Variants in CADM2 observed in about 807,000 individuals in gnomAD.
CADM2 encodes cell adhesion molecule 2.
A neutral mutation model predicts 49.8 loss-of-function variants in CADM2; 12 were observed. The observed-to-expected ratio is 0.24, with a 90% confidence interval of 0.15 to 0.39. CADM2 has a LOEUF of 0.39. Ranked by LOEUF, CADM2 falls within the 10% of genes least tolerant of loss-of-function variation. The pLI, the probability that CADM2 is intolerant of heterozygous loss-of-function variation, is 1.00. For missense variants in CADM2, 378 were observed against 492.3 expected, an observed-to-expected ratio of 0.77 and a Z score of 2.20; for synonymous variants, 214 against 175.4, an observed-to-expected ratio of 1.22 and a Z score of -1.74.
chr3:85,088,267 G>A (rs1226385448), intron 1 of CADM2, among the ~76,000 whole-genome samples: 1 of 151,886 alleles, frequency 6.6e-6, no homozygotes. Context: ...AACCAGCTGG[G>A]GCACATGTAT....
At chr3:85,999,350 C>T (rs1729857676) in intron 8 of CADM2, among the ~76,000 whole-genome samples, 1 of 151,504 alleles carries the variant, frequency 6.6e-6, no homozygotes, top group African/African-American at 2.4e-5. Context: ...ACTAAAACTA[C>T]CCAAAATTTT....
At chr3:85,725,064 C>A in intron 1 of CADM2, among the ~76,000 whole-genome samples, 1 of 151,786 alleles carries the variant, frequency 6.6e-6, no homozygotes, top group East Asian at 1.9e-4. Flanking sequence ...ACCACTTTGT[C>A]TATGTCCATT....
At chr3:85,835,354 T>A (rs1402647482) in intron 3 of CADM2, among the ~76,000 whole-genome samples, 1 of 150,956 alleles carries the variant, frequency 6.6e-6, no homozygotes, top group Non-Finnish European at 1.5e-5. Context: ...CTTATCCTGT[T>A]AATCACTGTT....
At chr3:85,342,243 C>G (rs2029933476) in intron 1 of CADM2, among the ~76,000 whole-genome samples, 1 of 151,844 alleles carries the variant, frequency 6.6e-6, no homozygotes. Flanking sequence ...ATTTATGCAG[C>G]CAACAGACAT....
chr3:85,484,284 C>G (rs1194666378), intron 1 of CADM2, among the ~76,000 whole-genome samples: 1 of 151,868 alleles, frequency 6.6e-6, no homozygotes, highest in East Asian at 1.9e-4. Context: ...GGGTTTTGTG[C>G]TGCTTATGCT....
intron 1 of CADM2, among the ~76,000 whole-genome samples, chr3:85,705,308 T>A (rs1434229459): frequency 6.6e-6 from 1 of 151,824 alleles, no homozygotes; most frequent in East Asian, 1.9e-4. Flanking sequence ...TTTATGTACA[T>A]TGATTCATTA....
chr3:86,053,678 T>A (rs553748150), intron 8 of CADM2, among the ~76,000 whole-genome samples: 8 of 152,184 alleles, frequency 5.3e-5, no homozygotes, highest in African/African-American at 1.9e-4. Context: ...GCTGGTCTAA[T>A]TCAGCTTGGG....
At chr3:85,310,935 C>G (rs575156492) in intron 1 of CADM2, among the ~76,000 whole-genome samples, 1 of 152,094 alleles carries the variant, frequency 6.6e-6, no homozygotes, top group Non-Finnish European at 1.5e-5. Flanking sequence ...TGTGGTGAGT[C>G]TATGGGAAAA....
At chr3:85,623,417 T>C (rs1394294381) in intron 1 of CADM2, among the ~76,000 whole-genome samples, 1 of 152,134 alleles carries the variant, frequency 6.6e-6, no homozygotes, top group Non-Finnish European at 1.5e-5. Flanking sequence ...TAATAAAAGG[T>C]GTCATTTTGA....
At chr3:85,093,496 A>C (rs955621918) in intron 1 of CADM2, among the ~76,000 whole-genome samples, 5 of 152,082 alleles carry the variant, frequency 3.3e-5, no homozygotes, top group Non-Finnish European at 5.9e-5. Flanking sequence ...CAAAAAGAAA[A>C]AAAAAAAAGA....
At chr3:85,928,708 T>A (rs1285351060) in intron 6 of CADM2, among the ~76,000 whole-genome samples, 1 of 152,176 alleles carries the variant, frequency 6.6e-6, no homozygotes, top group Non-Finnish European at 1.5e-5. Context: ...TACTGAAAAA[T>A]TATTTGTTAA....
intron 8 of CADM2, among the ~76,000 whole-genome samples, chr3:86,010,411 A>G (rs567105179): frequency 9.2e-5 from 14 of 151,838 alleles, no homozygotes; most frequent in Non-Finnish European, 1.9e-4. Flanking sequence ...AGTTATGCAC[A>G]CTATTTTGTC....
At chr3:85,895,403 A>C (rs957242550) in intron 5 of CADM2, among the ~76,000 whole-genome samples, 1 of 152,230 alleles carries the variant, frequency 6.6e-6, no homozygotes, top group African/African-American at 2.4e-5. Flanking sequence ...GAACAGGTGT[A>C]TTTACCCAAT....
intron 2 of CADM2, among the ~76,000 whole-genome samples, chr3:85,734,920 G>A (rs756414118): frequency 6.6e-6 from 1 of 151,152 alleles, no homozygotes; most frequent in African/African-American, 2.4e-5. Context: ...TAGTAAAAGA[G>A]CATTTCTTAT....
intron 1 of CADM2, among the ~76,000 whole-genome samples, chr3:85,640,193 A>G (rs12489307): frequency 0.16 from 24,601 of 152,078 alleles, 2,341 homozygotes; most frequent in South Asian, 0.27. Flanking sequence ...TTGCAGTCAT[A>G]TGCTTATTTC....
chr3:85,620,007 G>A (rs536408548), intron 1 of CADM2, among the ~76,000 whole-genome samples: 2 of 152,276 alleles, frequency 1.3e-5, no homozygotes, highest in East Asian at 3.9e-4. Context: ...TTTCATGAAA[G>A]TGATAGTTAT....
intron 1 of CADM2, among the ~76,000 whole-genome samples, chr3:85,296,657 A>G (rs890771562): frequency 1.3e-5 from 2 of 152,080 alleles, no homozygotes; most frequent in East Asian, 3.9e-4. Context: ...ACAGAATAAA[A>G]TTGTCTCCCA....
At chr3:85,715,040 A>G in intron 1 of CADM2, among the ~76,000 whole-genome samples, 1 of 152,358 alleles carries the variant, frequency 6.6e-6, no homozygotes, top group East Asian at 1.9e-4. Flanking sequence ...ACATTTATAT[A>G]ATGTATACAT....
chr3:85,568,464 T>TCTCTCC (rs2062360774), intron 1 of CADM2, among the ~76,000 whole-genome samples: 2 of 8,138 alleles, frequency 2.5e-4, no homozygotes, highest in African/African-American at 6.6e-4. Flanking sequence ...TCTTTCTTTC[T>TCTCTCC]CTTTCTCTCT....
Sources: allele counts gnomAD v4.1 joint callset (sites outside exome capture counted in the v4.1 genomes callset), GRCh38; gene constraint gnomAD v4.1.1; transcripts MANE v1.5; gene names NCBI Gene and HGNC (gene_info 2026-07-23, HGNC 2026-07-21).